The following DEFB116 variants were observed in gnomAD, a reference collection of about 807,000 sequenced individuals.
DEFB116 encodes the protein defensin beta 116.
DEFB116 carries 5 observed loss-of-function variants against 2.8 expected under a neutral mutation model. The ratio of observed to expected loss-of-function variants is 1.80; its 90% CI spans 0.94 to 3.79. The LOEUF (loss-of-function observed/expected upper bound fraction) is 3.79. Among genes scored for constraint, DEFB116 ranks in the 30% most tolerant of loss-of-function variants. The pLI, the probability that DEFB116 is intolerant of heterozygous loss-of-function variation, is 0.00. For synonymous variants in DEFB116, 56 were observed against 40.8 expected (o/e 1.37, Z -1.42); for missense variants, 170 against 118.0 (o/e 1.44, Z -2.04).
chr20:31,308,398 C>A, intron 1 of DEFB116, 121 bp downstream of exon 1: 1 of 917,662 alleles, frequency 1.1e-6, no homozygotes. Flanking sequence ...TGTGACCCAC[C>A]TGAGACCAGA....
In DEFB116 at chr20:31,306,160, C is replaced by T. The variant is rs568642721; in HGVS notation, c.67+2359G>A. On this transcript the variant is annotated intron_variant, in intron 1 of 1. Transcript: ENST00000400549. ...CTGTGCAACCAAACATGATCCTCTC[C>T]CATCCAATCTCTAAGGTTATTTCTA... Among the ~76,000 whole-genome samples, 47 of 152,200 alleles carry T rather than the reference C, an allele frequency of 3.1e-4. 2 individuals are homozygous for T. In the South Asian group the frequency reaches 9.3e-3, roughly 30 times the overall value.
At chr20:31,304,339 G>T (rs930051938) in intron 1 of DEFB116, among the ~76,000 whole-genome samples, 1 of 151,988 alleles carries the variant, frequency 6.6e-6, no homozygotes, top group Non-Finnish European at 1.5e-5. Context: ...ACAGACAAAG[G>T]AGCAATTAGA....
Position 31,303,358 on chromosome 20 carries a change from C to T in DEFB116, c.163G>A (p.Glu55Lys), listed in dbSNP as rs1289195871. The change falls in exon 2 of 2, where the codon GAA (glutamate) becomes AAA (lysine). Residue 55 changes from glutamate (E) to lysine (K), a missense_variant. Transcript: ENST00000400549. ...GMCRNACREY[E>K]IQYLTCPNDQ... ...TTTGGGCAGGTTAAGTATTGGATTT[C>T]ATATTCTCTGCAGGCGTTTCTGCAC... 5 of 1,613,590 alleles carry T rather than the reference C, an allele frequency of 3.1e-6. No individual in the cohort carries two copies. Among genetic ancestry groups the T allele is most frequent in the Non-Finnish European group, 2.5e-6 (3 of 1,179,592 alleles).
chr20:31,303,610 C>A (rs918483542), intron 1 of DEFB116, among the ~76,000 whole-genome samples, 157 bp from the exon 2 acceptor site: 2 of 152,162 alleles, frequency 1.3e-5, no homozygotes, highest in African/African-American at 4.8e-5. Context: ...TACCATCTCT[C>A]CCTCCTCAAG....
chr20:31,305,798 A>G (rs1984979399), intron 1 of DEFB116, among the ~76,000 whole-genome samples: 2 of 152,090 alleles, frequency 1.3e-5, no homozygotes, highest in Non-Finnish European at 1.5e-5. Flanking sequence ...GGTTAATAAG[A>G]TGTCATACTT....
chr20:31,303,863 G>T (rs1232496497), intron 1 of DEFB116, among the ~76,000 whole-genome samples: 1 of 152,144 alleles, frequency 6.6e-6, no homozygotes, highest in Non-Finnish European at 1.5e-5. Context: ...TGCCTACAGA[G>T]ATCTGTGACC....
chr20:31,305,299 C>T (rs1168596413), intron 1 of DEFB116, among the ~76,000 whole-genome samples: 2 of 151,980 alleles, frequency 1.3e-5, no homozygotes, highest in Non-Finnish European at 2.9e-5. Context: ...CACCTGACCT[C>T]TAGGACTTTT....
chr20:31,304,488 T>G (rs2122447390), intron 1 of DEFB116, among the ~76,000 whole-genome samples: 1 of 152,208 alleles, frequency 6.6e-6, no homozygotes, highest in Non-Finnish European at 1.5e-5. Flanking sequence ...ACACTGAGGC[T>G]CAAAGAGATG....
intron 1 of DEFB116, among the ~76,000 whole-genome samples, chr20:31,306,465 A>G (rs1984992058): frequency 2.0e-5 from 3 of 152,158 alleles, no homozygotes; most frequent in African/African-American, 7.2e-5. Flanking sequence ...AGGAAGCTAC[A>G]CTATGTACAA....
At chr20:31,306,902 T>C (rs1197175281) in intron 1 of DEFB116, among the ~76,000 whole-genome samples, 1 of 152,130 alleles carries the variant, frequency 6.6e-6, no homozygotes, top group Non-Finnish European at 1.5e-5. Context: ...TACAGTCACA[T>C]CTATTGTTCT....
chr20:31,303,808 T>C (rs1156756570), intron 1 of DEFB116, among the ~76,000 whole-genome samples: 3 of 152,050 alleles, frequency 2.0e-5, no homozygotes, highest in Admixed American at 2.0e-4. Flanking sequence ...CTCCTGAGAG[T>C]ATGAGGTTTC....
intron 1 of DEFB116, among the ~76,000 whole-genome samples, chr20:31,308,071 C>T (rs934503905): frequency 2.6e-5 from 4 of 151,974 alleles, no homozygotes; most frequent in African/African-American, 9.7e-5. Context: ...TCAGCCCAAC[C>T]TATAAATACA....
In DEFB116 at chr20:31,303,333, T is replaced by C; in HGVS notation, c.188A>G (p.Asn63Ser). The C allele has an allele frequency of 6.2e-7, 1 of 1,613,592 alleles. No individual in the cohort carries two copies. Among genetic ancestry groups the C allele is most frequent in the Non-Finnish European group, 8.5e-7 (1 of 1,179,572 alleles). Residue 63 changes from asparagine (N) to serine (S), a missense_variant, in exon 2 of 2, where the codon AAT becomes AGT. Coordinates refer to ENST00000400549, the MANE Select transcript of DEFB116 (RefSeq NM_001037731.1). The stretch of plus-strand genomic sequence containing the variant: ...AAGTTTCAGGCAGCACTTTTGATCA[T>C]TTGGGCAGGTTAAGTATTGGATTTC... Reference protein sequence around the residue: ...EYEIQYLTCPNDQKCCLKLSV... With the variant: ...EYEIQYLTCPSDQKCCLKLSV...
intron 1 of DEFB116, among the ~76,000 whole-genome samples, chr20:31,305,833 G>T (rs17123553): frequency 1.6e-4 from 24 of 151,970 alleles, no homozygotes; most frequent in East Asian, 5.8e-4. Flanking sequence ...ATATTTTTAC[G>T]TATATTCATA....
At chr20:31,304,628 G>T (rs1984952110) in intron 1 of DEFB116, among the ~76,000 whole-genome samples, 1 of 152,000 alleles carries the variant, frequency 6.6e-6, no homozygotes, top group Non-Finnish European at 1.5e-5. Context: ...GCACAGAGAA[G>T]ACGGCATCAT....
At chr20:31,305,708 C>G (rs1984977517) in intron 1 of DEFB116, among the ~76,000 whole-genome samples, 1 of 151,950 alleles carries the variant, frequency 6.6e-6, no homozygotes, top group African/African-American at 2.4e-5. Context: ...CCTCTGGACC[C>G]AGTCTCTCCA....
At chr20:31,308,013 T>C (rs575809679) in intron 1 of DEFB116, among the ~76,000 whole-genome samples, 9 of 152,156 alleles carry the variant, frequency 5.9e-5, no homozygotes, top group Middle Eastern at 3.4e-3. Context: ...CCCAGCTCCA[T>C]TCAAGAAAAA....
At chr20:31,306,391 A>C (rs1216526217) in intron 1 of DEFB116, among the ~76,000 whole-genome samples, 1 of 152,152 alleles carries the variant, frequency 6.6e-6, no homozygotes, top group Non-Finnish European at 1.5e-5. Context: ...TCCTAATAGA[A>C]AATGTTGTCC....
At chr20:31,304,011 G>A (rs1304310592) in intron 1 of DEFB116, among the ~76,000 whole-genome samples, 1 of 152,028 alleles carries the variant, frequency 6.6e-6, no homozygotes, top group African/African-American at 2.4e-5. Flanking sequence ...TTTGTACATT[G>A]GCCTTACAGA....
Sources: allele counts gnomAD v4.1 joint callset (sites outside exome capture counted in the v4.1 genomes callset), GRCh38; gene constraint gnomAD v4.1.1; transcripts MANE v1.5; gene names NCBI Gene and HGNC (gene_info 2026-07-23, HGNC 2026-07-21).